TRAK1: variants seen among roughly 807,000 people sequenced by gnomAD.
The protein encoded by TRAK1 is trafficking kinesin protein 1, also known as trafficking kinesin-binding protein 1.
A neutral mutation model predicts 92.1 loss-of-function variants in TRAK1; 33 were observed. That is an observed-to-expected ratio of 0.36 (90% confidence interval 0.27 to 0.48). The LOEUF (loss-of-function observed/expected upper bound fraction) is 0.48, where lower values mean the gene tolerates loss of function less well. Ranked by LOEUF, TRAK1 falls within the 20% of genes least tolerant of loss-of-function variation. The probability of loss-of-function intolerance (pLI) is 0.99; values close to 1 mark genes in which losing one functional copy is unlikely to be tolerated. For synonymous variants in TRAK1, 521 were observed against 517.3 expected (o/e 1.01, Z -0.10); for missense variants, 1,123 against 1,257.9 (o/e 0.89, Z 1.62).
intron 1 of TRAK1, among the ~76,000 whole-genome samples, chr3:42,113,548 G>A (rs1161689637): frequency 1.3e-5 from 2 of 152,182 alleles, no homozygotes; most frequent in Non-Finnish European, 1.5e-5. Flanking sequence ...CAAGTAGCTG[G>A]AACTACAGGT....
At chr3:42,024,345 G>A (rs1701840392) in intron 1 of TRAK1, among the ~76,000 whole-genome samples, 2 of 152,202 alleles carry the variant, frequency 1.3e-5, no homozygotes, top group Admixed American at 1.3e-4. Context: ...TACATAGTAG[G>A]TATGCAGATA....
At chr3:42,189,215 C>CT in intron 6 of TRAK1, 91 bp downstream of exon 6, 2 of 939,944 alleles carry the variant, frequency 2.1e-6, no homozygotes, top group Non-Finnish European at 3.4e-6. Context: ...AAGTGCCCTC[C>CT]TCAAAGCTGG....
chr3:42,174,596 G>T (rs1471082025), intron 2 of TRAK1, among the ~76,000 whole-genome samples: 1 of 151,118 alleles, frequency 6.6e-6, no homozygotes, highest in Non-Finnish European at 1.5e-5. Context: ...TCAGCCTCCC[G>T]AGTAGCTGGG....
At chr3:42,139,057 G>A (rs1330705598) in intron 2 of TRAK1, among the ~76,000 whole-genome samples, 1 of 151,962 alleles carries the variant, frequency 6.6e-6, no homozygotes, top group Non-Finnish European at 1.5e-5. Flanking sequence ...GAGTTGGAAA[G>A]GGGATCTAAT....
intron 1 of TRAK1, among the ~76,000 whole-genome samples, chr3:42,019,638 C>G (rs765104424): frequency 1.3e-5 from 2 of 152,062 alleles, no homozygotes; most frequent in Non-Finnish European, 2.9e-5. Flanking sequence ...TCTGTAAGCT[C>G]TCAGTTTTTA....
chr3:42,149,326 A>G (rs778318644), intron 2 of TRAK1: 170 of 1,425,738 alleles, frequency 1.2e-4, no homozygotes, highest in Non-Finnish European at 1.5e-4. Context: ...TGCTCCTCCT[A>G]CTCCCTCCTT....
At chr3:42,032,740 A>G (rs535797688) in intron 1 of TRAK1, among the ~76,000 whole-genome samples, 2 of 152,252 alleles carry the variant, frequency 1.3e-5, no homozygotes, top group East Asian at 1.9e-4. Flanking sequence ...TCTTCTTATA[A>G]TGAAACTATG....
At chr3:42,107,520 A>C (rs1055003684) in intron 1 of TRAK1, among the ~76,000 whole-genome samples, 1 of 151,786 alleles carries the variant, frequency 6.6e-6, no homozygotes, top group African/African-American at 2.4e-5. Context: ...CAAAAAAGAA[A>C]AAAAAAAAAA....
intron 1 of TRAK1, among the ~76,000 whole-genome samples, chr3:42,078,941 A>C (rs911541932): frequency 6.6e-6 from 1 of 152,150 alleles, no homozygotes; most frequent in Non-Finnish European, 1.5e-5. Context: ...CACAGGAACA[A>C]AGGCTAGTGC....
chr3:42,037,673 C>G (rs773511190), intron 1 of TRAK1, among the ~76,000 whole-genome samples: 1 of 152,200 alleles, frequency 6.6e-6, no homozygotes, highest in African/African-American at 2.4e-5. Flanking sequence ...TTGCCAAGGG[C>G]TAAAGAAAAG....
intron 7 of TRAK1, among the ~76,000 whole-genome samples, chr3:42,192,410 G>GTCAAAATACTAAGTATTTTGCATTTCA (rs1352858648): frequency 4.6e-5 from 7 of 151,822 alleles, no homozygotes; most frequent in Non-Finnish European, 8.8e-5. Context: ...ATTGCATTTC[G>GTCAAAATACTAAGTATTTTGCATTTCA]TCAAAGTACT....
chr3:42,132,135 C>T (rs1697285177), intron 2 of TRAK1, among the ~76,000 whole-genome samples: 1 of 152,104 alleles, frequency 6.6e-6, no homozygotes, highest in African/African-American at 2.4e-5. Flanking sequence ...TCCATGGATG[C>T]TCAAGTCCCT....
intron 2 of TRAK1, among the ~76,000 whole-genome samples, chr3:42,159,112 A>G (rs1413687828): frequency 2.0e-5 from 3 of 152,060 alleles, no homozygotes; most frequent in African/African-American, 7.2e-5. Context: ...GGAGGTAGTA[A>G]TTCAATTTAG....
intron 1 of TRAK1, among the ~76,000 whole-genome samples, chr3:42,059,731 A>C (rs1185193774): frequency 6.6e-6 from 1 of 152,220 alleles, no homozygotes; most frequent in East Asian, 1.9e-4. Flanking sequence ...CTACAGAGAG[A>C]CAGCTAGCTG....
chr3:42,068,262 G>A lies in TRAK1; in HGVS notation c.-518-18842G>A, dbSNP rs777142452. 9.1e-4 allele frequency among the ~76,000 whole-genome samples: 139 copies of A among 152,160 alleles called. 1 individual carries two copies. The highest frequency in any genetic ancestry group is 9.4e-4 in the Non-Finnish European group (64 of 68,030). The stretch of plus-strand genomic sequence containing the variant: ...CAGCCTTGAACTCCTAGGCTCAAGC[G>A]ATCCTTCTACTTTAGCCTTTCAAGT... On this transcript the variant is annotated intron_variant, in intron 1 of 16. Transcript: ENST00000487159.
chr3:42,138,215 T>A lies in TRAK1; in HGVS notation c.286+12601T>A, dbSNP rs750236769. 1.1e-3 allele frequency among the ~76,000 whole-genome samples: 160 copies of A among 152,328 alleles called. 2 individuals carry two copies. Among genetic ancestry groups the A allele is most frequent in the Non-Finnish European group, 3.7e-4 (25 of 68,030 alleles). ...ACATATGCACTTAACTCTCTAAGCATGTTTTAAATTACACAGGACTTTTCT... is the reference window on the plus strand; with the variant it reads ...ACATATGCACTTAACTCTCTAAGCAAGTTTTAAATTACACAGGACTTTTCT... On this transcript the variant is annotated intron_variant, in intron 2 of 15. Coordinates refer to ENST00000327628, the MANE Select transcript of TRAK1 (RefSeq NM_001042646.3).
chr3:42,107,226 A>G (rs971213375), intron 1 of TRAK1, among the ~76,000 whole-genome samples: 3 of 152,134 alleles, frequency 2.0e-5, no homozygotes, highest in East Asian at 1.9e-4. Flanking sequence ...TAAGAAATCA[A>G]TTATTTGGGC....
At chr3:42,189,746 G>T (rs1294070951) in intron 6 of TRAK1, among the ~76,000 whole-genome samples, 2 of 152,140 alleles carry the variant, frequency 1.3e-5, no homozygotes, top group African/African-American at 4.8e-5. Flanking sequence ...GGTCAGGCTG[G>T]TCTTGAACTC....
chr3:42,086,059 T>C (rs1216689810), upstream of TRAK1, among the ~76,000 whole-genome samples: 1 of 152,206 alleles, frequency 6.6e-6, no homozygotes, highest in Non-Finnish European at 1.5e-5. Context: ...AGGTTTCCTT[T>C]TTCATTAAGC....
Sources: gnomAD v4.1 joint callset for allele counts (sites outside exome capture counted in the v4.1 genomes callset) on GRCh38, gnomAD v4.1.1 for gene constraint, MANE v1.5 for transcripts, NCBI Gene and HGNC (gene_info 2026-07-23, HGNC 2026-07-21) for gene names.